Variants in ANKRD13C observed in about 807,000 individuals in gnomAD.
ANKRD13C encodes the protein ankyrin repeat domain 13C, also known as ankyrin repeat domain-containing protein 13C.
ANKRD13C carries 16 observed loss-of-function variants against 65.5 expected under a neutral mutation model. The observed-to-expected ratio is 0.24, with a 90% CI of 0.17 to 0.37. The LOEUF (loss-of-function observed/expected upper bound fraction) is 0.37. Ranked by LOEUF, ANKRD13C falls within the 10% of genes least tolerant of loss-of-function variation. ANKRD13C has a pLI of 1.00. For synonymous variants in ANKRD13C, 235 were observed against 238.7 expected (o/e 0.98, Z 0.14); for missense variants, 503 against 655.9 (o/e 0.77, Z 2.55).
intron 9 of ANKRD13C, among the ~76,000 whole-genome samples, chr1:70,288,121 A>G (rs769931554): frequency 3.3e-5 from 5 of 152,244 alleles, no homozygotes; most frequent in Non-Finnish European, 5.9e-5. Context: ...GAGGATATAC[A>G]GATAGCAAAT....
chr1:70,320,667 C>A (rs1156487997), intron 3 of ANKRD13C, among the ~76,000 whole-genome samples: 7 of 151,924 alleles, frequency 4.6e-5, no homozygotes, highest in Non-Finnish European at 2.9e-5. Context: ...ATATTATTTT[C>A]TTTTCTTTTC....
At chr1:70,278,649 TA>T (rs1318373714) in intron 9 of ANKRD13C, among the ~76,000 whole-genome samples, 1 of 152,192 alleles carries the variant, frequency 6.6e-6, no homozygotes, top group Non-Finnish European at 1.5e-5. Context: ...AATAAGATGT[TA>T]ATAACATTGA....
At chr1:70,288,285 T>C (rs1488196081) in intron 9 of ANKRD13C, among the ~76,000 whole-genome samples, 2 of 152,218 alleles carry the variant, frequency 1.3e-5, no homozygotes, top group Non-Finnish European at 2.9e-5. Context: ...GGATCATTCA[T>C]ACACTGCTGA....
intron 9 of ANKRD13C, among the ~76,000 whole-genome samples, chr1:70,291,739 G>C (rs1041839701): frequency 3.3e-5 from 5 of 151,958 alleles, no homozygotes; most frequent in Non-Finnish European, 7.4e-5. Flanking sequence ...CCTGGGAGGC[G>C]GAAGTTGCAG....
rs1403290641 is a variant in ANKRD13C, at chr1:70,262,853, G to C, written c.1496-6C>G. The C allele has an allele frequency of 1.9e-6, 3 of 1,596,362 alleles. No individual in the cohort carries two copies. Among genetic ancestry groups the C allele is most frequent in the African/African-American group, 1.4e-5 (1 of 73,338 alleles). ...TGTGGGAAACACAGGTATATCTACAGAGAGAACATCAATGATAGCATTGTA... is the reference window on the plus strand; with the variant it reads ...TGTGGGAAACACAGGTATATCTACACAGAGAACATCAATGATAGCATTGTA... On this transcript the variant is annotated splice_polypyrimidine_tract_variant and splice_region_variant and intron_variant, in intron 12 of 12. Transcript: ENST00000370944.
At chr1:70,326,207 G>A (rs1200650689) in intron 2 of ANKRD13C, among the ~76,000 whole-genome samples, 2 of 120,132 alleles carry the variant, frequency 1.7e-5, no homozygotes, top group African/African-American at 6.4e-5. Context: ...CTCCAGCCTG[G>A]GCAACAAGAG....
intron 12 of ANKRD13C, among the ~76,000 whole-genome samples, chr1:70,265,109 A>T (rs1425780673): frequency 1.3e-5 from 2 of 151,822 alleles, no homozygotes; most frequent in Non-Finnish European, 2.9e-5. Flanking sequence ...AGTTTAGGCC[A>T]AAAAAAAGAC....
intron 12 of ANKRD13C, among the ~76,000 whole-genome samples, chr1:70,267,046 T>C (rs970288192): frequency 4.6e-5 from 7 of 152,228 alleles, no homozygotes; most frequent in Non-Finnish European, 7.3e-5. Flanking sequence ...CAGTTATAAT[T>C]GTGGATCTAT....
At chr1:70,346,626 C>T (rs1682536941) in intron 1 of ANKRD13C, among the ~76,000 whole-genome samples, 2 of 152,172 alleles carry the variant, frequency 1.3e-5, no homozygotes, top group Non-Finnish European at 2.9e-5. Flanking sequence ...TGCATTCTCT[C>T]TCAAAAATGC....
At chr1:70,340,905 G>A (rs1682278377) in intron 1 of ANKRD13C, among the ~76,000 whole-genome samples, 1 of 152,146 alleles carries the variant, frequency 6.6e-6, no homozygotes, top group African/African-American at 2.4e-5. Flanking sequence ...GAGCTCAGGA[G>A]CTTGAGACCA....
At chr1:70,342,707 A>T (rs1028000828) in intron 1 of ANKRD13C, among the ~76,000 whole-genome samples, 7 of 151,424 alleles carry the variant, frequency 4.6e-5, no homozygotes, top group African/African-American at 1.7e-4. Flanking sequence ...ACCATGCTCC[A>T]AATGGTAAAG....
rs547761538 is a variant in ANKRD13C, at chr1:70,261,140, T to C, written c.*1577A>G. 1 of 152,262 alleles carries C rather than the reference T, an allele frequency of 6.6e-6. No individual in the cohort carries two copies. The highest frequency in any genetic ancestry group is 2.4e-5 in the African/African-American group (1 of 41,568). 9.4% of individuals were successfully genotyped at this position (152,262 alleles called of 1,614,324 possible). On this transcript the variant is annotated 3_prime_UTR_variant, in exon 13 of 13. Transcript: ENST00000370944. ...AATTCAATAGGTCCATGTAACGTAG[T>C]AATTAGGTCTTTCAATTTTTTACTA...
chr1:70,308,564 C>T (rs1680690249), intron 5 of ANKRD13C, among the ~76,000 whole-genome samples: 1 of 151,592 alleles, frequency 6.6e-6, no homozygotes, highest in Non-Finnish European at 1.5e-5. Flanking sequence ...ACGGTGAAAC[C>T]CCGTCTTTAC....
At chr1:70,268,230 C>T (rs1292889576) in intron 12 of ANKRD13C, among the ~76,000 whole-genome samples, 13 of 151,832 alleles carry the variant, frequency 8.6e-5, no homozygotes, top group Non-Finnish European at 1.3e-4. Flanking sequence ...AGTGCAATGG[C>T]GTGATCTTGG....
chr1:70,303,054 G>A (rs773355911), intron 6 of ANKRD13C, among the ~76,000 whole-genome samples: 4 of 152,126 alleles, frequency 2.6e-5, no homozygotes. Flanking sequence ...GACTGACATG[G>A]TGACCTTTGA....
chr1:70,274,859 T>C (rs751877373), intron 10 of ANKRD13C, 41 bp from the exon 11 acceptor site: 8 of 1,255,966 alleles, frequency 6.4e-6, no homozygotes, highest in African/African-American at 4.4e-5. Flanking sequence ...ACTTTTTCCA[T>C]AGTCTATCAC....
At chr1:70,341,626 A>G (rs1208813028) in intron 1 of ANKRD13C, among the ~76,000 whole-genome samples, 1 of 151,830 alleles carries the variant, frequency 6.6e-6, no homozygotes, top group Non-Finnish European at 1.5e-5. Context: ...TCCCAAAGTG[A>G]TGGGATTACA....
In ANKRD13C at chr1:70,354,066, G is replaced by C. The variant is rs1401944020; in HGVS notation, c.343C>G (p.Pro115Ala). 1.2e-6 allele frequency: 2 copies of C among 1,607,896 alleles called. No homozygotes were observed. The highest frequency in any genetic ancestry group is 1.7e-6 in the Non-Finnish European group (2 of 1,176,230). ...CCCTTGAAGACGCACTCGTGCACCG[G>C]GTAGTGTGCGGGGCAACTGCCTCCA... is the stretch of plus-strand genomic sequence containing the variant. ...ADGGSCPAHY[P>A]VHECVFKGDV... Residue 115 changes from proline to alanine, a missense_variant, in exon 1 of 13, where the codon CCG becomes GCG. Pro to Ala is a conservative substitution (Grantham distance 27). Coordinates refer to ENST00000370944, the MANE Select transcript of ANKRD13C (RefSeq NM_030816.5).
At chr1:70,348,789 C>A (rs1682633400) in intron 1 of ANKRD13C, among the ~76,000 whole-genome samples, 2 of 152,158 alleles carry the variant, frequency 1.3e-5, no homozygotes, top group East Asian at 3.9e-4. Context: ...GAAAATATTA[C>A]AAGTAAATAT....
Sources: gnomAD v4.1 joint callset for allele counts (sites outside exome capture counted in the v4.1 genomes callset) on GRCh38, gnomAD v4.1.1 for gene constraint, MANE v1.5 for transcripts, NCBI Gene and HGNC (gene_info 2026-07-23, HGNC 2026-07-21) for gene names.